C19orf38: variants seen among roughly 807,000 people sequenced by gnomAD.
C19orf38 encodes the protein chromosome 19 open reading frame 38.
Under a neutral mutation model 26.6 loss-of-function variants are expected in C19orf38, and 14 were observed. The ratio of observed to expected loss-of-function variants is 0.53; its 90% CI spans 0.35 to 0.82. The LOEUF is 0.82. Among genes scored for constraint, C19orf38 ranks in the 40% least tolerant of loss-of-function variants. The pLI, the probability that C19orf38 is intolerant of heterozygous loss-of-function variation, is 0.01. For synonymous variants in C19orf38, 132 were observed against 128.5 expected (o/e 1.03, Z -0.18); for missense variants, 261 against 299.5 (o/e 0.87, Z 0.95).
intron 4 of C19orf38, among the ~76,000 whole-genome samples, chr19:10,858,594 A>G (rs1293955829): frequency 1.3e-5 from 2 of 152,172 alleles, no homozygotes; most frequent in Non-Finnish European, 1.5e-5. Flanking sequence ...TTTACAGAAG[A>G]GAGGACTGAG....
At chr19:10,843,187 C>T in intron 1 of C19orf38, among the ~76,000 whole-genome samples, 1 of 152,096 alleles carries the variant, frequency 6.6e-6, no homozygotes, top group Admixed American at 6.6e-5. Context: ...TATAGAAAAC[C>T]AATTAGGAAA....
Position 10,839,550 on chromosome 19 carries a change from A to G in C19orf38, c.-69+2780A>G, listed in dbSNP as rs74831478. On this transcript the variant is annotated intron_variant, in intron 1 of 7. Coordinates refer to the C19orf38 transcript ENST00000592854. ...AACTAGCTATGTGCTTTTTGCCTCT[A>G]GGGATTTACCTACTCTGGATATTTC... 4.8e-4 allele frequency among the ~76,000 whole-genome samples: 73 copies of G among 152,222 alleles called. 1 individual carries two copies. In the East Asian group the frequency reaches 7.1e-3, roughly 15 times the overall value.
chr19:10,845,234 A>G (rs1410283707), upstream of C19orf38, among the ~76,000 whole-genome samples: 4 of 152,192 alleles, frequency 2.6e-5, no homozygotes, highest in East Asian at 7.7e-4. Flanking sequence ...ACCAAATTGT[A>G]TTAATATTTA....
At chr19:10,860,912 A>G (rs578140492) in intron 5 of C19orf38, among the ~76,000 whole-genome samples, 53 of 151,736 alleles carry the variant, frequency 3.5e-4, no homozygotes, top group Non-Finnish European at 7.1e-4. Context: ...TGGGAGGCCA[A>G]GGCAGGTGGA....
chr19:10,867,183 C>T (rs1316508835), intron 6 of C19orf38, among the ~76,000 whole-genome samples: 1 of 152,108 alleles, frequency 6.6e-6, no homozygotes, highest in Non-Finnish European at 1.5e-5. Flanking sequence ...TCTCCTGTCT[C>T]TGTGGATTTG....
intron 4 of C19orf38, among the ~76,000 whole-genome samples, chr19:10,859,380 AT>A (rs2073672293): frequency 2.9e-5 from 1 of 34,380 alleles, no homozygotes; most frequent in African/African-American, 1.5e-4. Flanking sequence ...ATATATATAT[AT>A]ATATTTTTTT....
upstream of C19orf38, among the ~76,000 whole-genome samples, chr19:10,848,032 A>C (rs1020049861): frequency 1.3e-5 from 2 of 152,134 alleles, no homozygotes; most frequent in Admixed American, 6.5e-5. Context: ...CTCTACTAAA[A>C]ATACAAAAAT....
chr19:10,843,398 T>G (rs1023798081), intron 1 of C19orf38, among the ~76,000 whole-genome samples: 5 of 152,206 alleles, frequency 3.3e-5, no homozygotes, highest in African/African-American at 1.2e-4. Flanking sequence ...CTTGCCACTA[T>G]CAATATCAAT....
intron 4 of C19orf38, 75 bp downstream of exon 4, chr19:10,858,418 C>A: frequency 1.5e-6 from 2 of 1,375,398 alleles, no homozygotes; most frequent in Non-Finnish European, 2.0e-6. Flanking sequence ...GTGGGCACTC[C>A]ATGCCCCCCA....
At chr19:10,860,686 A>C (rs1477278939) in intron 5 of C19orf38, among the ~76,000 whole-genome samples, 2 of 149,592 alleles carry the variant, frequency 1.3e-5, no homozygotes, top group Non-Finnish European at 3.0e-5. Flanking sequence ...CTAAAAATAC[A>C]AAAAATTAGG....
chr19:10,850,386 A>T lies in C19orf38; in HGVS notation c.159A>T (p.Arg53=). 2 of 1,550,914 alleles carry T rather than the reference A, an allele frequency of 1.3e-6. No individual in the cohort carries two copies. Among genetic ancestry groups the T allele is most frequent in the Non-Finnish European group, 1.7e-6 (2 of 1,146,650 alleles). ...CGGGGGCGAATTTCACACTGTATCG[A>T]GGGGGGCAGGTGGTCCAGCTCCTGC... is the stretch of plus-strand genomic sequence containing the variant. ...NFPGANFTLY[R]GGQVVQLLQA... is the part of the protein sequence containing the mutation. Residue 53 remains arginine (R), a synonymous_variant, in exon 2 of 7, where the codon CGA becomes CGT. Transcript: ENST00000397820.
intron 6 of C19orf38, among the ~76,000 whole-genome samples, chr19:10,866,204 A>ATT (rs761189003): frequency 1.5e-5 from 2 of 129,202 alleles, no homozygotes; most frequent in South Asian, 2.5e-4. Flanking sequence ...TGCCTGGCTA[A>ATT]TTTTTTTTTT....
intron 3 of C19orf38, among the ~76,000 whole-genome samples, chr19:10,857,360 A>ATTT (rs1256020212): frequency 8.5e-5 from 7 of 82,034 alleles, no homozygotes; most frequent in African/African-American, 3.9e-4. Flanking sequence ...ATATATATAT[A>ATTT]TATATATTTT....
At position 10,848,504 on chromosome 19, in the gene C19orf38, G is replaced by C; in HGVS notation, c.-5G>C. 1 of 1,551,674 alleles carries C rather than the reference G, an allele frequency of 6.4e-7. No individual in the cohort carries two copies. The highest frequency in any genetic ancestry group is 8.7e-7 in the Non-Finnish European group (1 of 1,146,934). On this transcript the variant is annotated 5_prime_UTR_variant, in exon 1 of 7. Coordinates refer to ENST00000397820, the MANE Select transcript of C19orf38 (RefSeq NM_001136482.3). ...GCCGGATTTCCCAGCCAAACGCAGAGAGAGATGCCCTGGACCATCTTGCTC... is the reference window on the plus strand; with the variant it reads ...GCCGGATTTCCCAGCCAAACGCAGACAGAGATGCCCTGGACCATCTTGCTC...
At chr19:10,851,403 C>G (rs957936002) in intron 2 of C19orf38, among the ~76,000 whole-genome samples, 1 of 149,656 alleles carries the variant, frequency 6.7e-6, no homozygotes, top group Non-Finnish European at 1.5e-5. Context: ...GGCAATGGCA[C>G]AATCATAGCT....
chr19:10,863,014 C>T (rs1387240240), intron 5 of C19orf38, among the ~76,000 whole-genome samples, 156 bp from the exon 6 acceptor site: 1 of 152,050 alleles, frequency 6.6e-6, no homozygotes. Context: ...GTGAACAGTT[C>T]ACCGTGCAGA....
Position 10,863,203 on chromosome 19 carries a change from C to T in C19orf38, c.539C>T (p.Ser180Phe), listed in dbSNP as rs773244698. 1.4e-5 allele frequency: 22 copies of T among 1,551,338 alleles called. No individual in the cohort carries two copies. The East Asian group carries it at 4.9e-4, about 34-fold the overall frequency. Residue 180 changes from serine to phenylalanine, a missense_variant, in exon 6 of 7, where the codon TCC (serine) becomes TTC (phenylalanine). By Grantham distance (155) the Ser-to-Phe change is radical (BLOSUM62 -2). Transcript: ENST00000397820. ...MSFDNSLFTV[S>F]AKTMPEEDPA... ...TTCGATAACTCCCTGTTTACCGTCTCCGCGGTGAGTGGTTCTTTTTCTTGG... is the reference window on the plus strand; with the variant it reads ...TTCGATAACTCCCTGTTTACCGTCTTCGCGGTGAGTGGTTCTTTTTCTTGG...
chr19:10,867,037 G>A (rs1359216886), intron 6 of C19orf38, among the ~76,000 whole-genome samples: 3 of 151,710 alleles, frequency 2.0e-5, no homozygotes, highest in African/African-American at 7.2e-5. Context: ...TGATCTGCCC[G>A]CCTCGGCCTC....
chr19:10,869,125 G>A, intron 6 of C19orf38, 93 bp from the exon 7 acceptor site: 3 of 1,481,880 alleles, frequency 2.0e-6, no homozygotes, highest in Non-Finnish European at 1.8e-6. Context: ...AGACCTGCTG[G>A]GCTGGCAGAG....
Sources: gnomAD v4.1 joint callset for allele counts (sites outside exome capture counted in the v4.1 genomes callset) on GRCh38, gnomAD v4.1.1 for gene constraint, MANE v1.5 for transcripts, NCBI Gene and HGNC (gene_info 2026-07-23, HGNC 2026-07-21) for gene names.